Variants in OPCML observed in about 807,000 individuals in gnomAD.
OPCML encodes opioid-binding protein/cell adhesion molecule.
OPCML carries 13 observed loss-of-function variants against 37.8 expected under a neutral mutation model. The observed-to-expected ratio is 0.34, with a 90% CI of 0.22 to 0.55. The LOEUF (loss-of-function observed/expected upper bound fraction) is 0.55. Among genes scored for constraint, OPCML ranks in the 20% least tolerant of loss-of-function variants. OPCML has a pLI of 0.91. For missense variants in OPCML, 341 were observed against 435.6 expected (o/e 0.78, Z 1.93); for synonymous variants, 176 against 168.8 (o/e 1.04, Z -0.33).
chr11:133,214,357 T>C (rs1431783), intron 1 of OPCML, among the ~76,000 whole-genome samples: 38,117 of 152,110 alleles, frequency 0.25, 4,918 homozygotes, highest in African/African-American at 0.28. Flanking sequence ...TATCAACACA[T>C]GTACTTATTT....
At chr11:133,149,393 T>C (rs1437787577) in intron 1 of OPCML, among the ~76,000 whole-genome samples, 2 of 152,214 alleles carry the variant, frequency 1.3e-5, no homozygotes. Context: ...CTACTGTTTT[T>C]AGCCTGCCTC....
chr11:133,097,560 G>A (rs578160624), intron 1 of OPCML, among the ~76,000 whole-genome samples: 170 of 152,066 alleles, frequency 1.1e-3, no homozygotes, highest in African/African-American at 4.0e-3. Flanking sequence ...AATGAACAGA[G>A]AAAATCAATG....
intron 1 of OPCML, among the ~76,000 whole-genome samples, chr11:133,127,825 G>T (rs959781124): frequency 6.6e-6 from 1 of 151,996 alleles, no homozygotes; most frequent in Non-Finnish European, 1.5e-5. Context: ...GACTATGCAA[G>T]CATCAAGGAG....
chr11:132,668,994 TCA>T (rs946690204), intron 2 of OPCML, among the ~76,000 whole-genome samples: 102 of 152,256 alleles, frequency 6.7e-4, no homozygotes, highest in African/African-American at 2.4e-3. Context: ...CAGGCCTTTT[TCA>T]CAGTGTGTTG....
intron 1 of OPCML, among the ~76,000 whole-genome samples, chr11:133,229,767 G>T (rs894420844): frequency 6.6e-6 from 1 of 152,182 alleles, no homozygotes; most frequent in Non-Finnish European, 1.5e-5. Context: ...GGGAACTGCT[G>T]GACAAGTTTT....
At chr11:132,873,831 GAAAGT>G (rs1942908880) in intron 2 of OPCML, among the ~76,000 whole-genome samples, 1 of 151,804 alleles carries the variant, frequency 6.6e-6, no homozygotes, top group Admixed American at 6.6e-5. Flanking sequence ...AAAAAAATTA[GAAAGT>G]AAAGGAGCAA....
At chr11:132,644,306 C>G (rs1480959515) in intron 3 of OPCML, among the ~76,000 whole-genome samples, 1 of 152,052 alleles carries the variant, frequency 6.6e-6, no homozygotes, top group Non-Finnish European at 1.5e-5. Context: ...CTGTTAATCA[C>G]CCTTCATCTG....
At chr11:132,454,459 C>G (rs2096076307) in intron 4 of OPCML, among the ~76,000 whole-genome samples, 1 of 152,328 alleles carries the variant, frequency 6.6e-6, no homozygotes, top group East Asian at 1.9e-4. Context: ...AATATCTCAT[C>G]AGGAGGCACC....
chr11:133,207,069 C>G (rs567153767), intron 1 of OPCML, among the ~76,000 whole-genome samples: 3 of 148,252 alleles, frequency 2.0e-5, no homozygotes, highest in South Asian at 4.3e-4. Context: ...GGGCGGATCT[C>G]GAGGTCAGGA....
chr11:132,742,101 G>A (rs1318809991), intron 2 of OPCML, among the ~76,000 whole-genome samples: 3 of 152,148 alleles, frequency 2.0e-5, no homozygotes, highest in African/African-American at 7.2e-5. Context: ...AGTAAATGGT[G>A]TGAGATAATG....
At chr11:132,902,311 GT>G (rs1944092291) in intron 2 of OPCML, among the ~76,000 whole-genome samples, 2 of 152,196 alleles carry the variant, frequency 1.3e-5, no homozygotes, top group African/African-American at 4.8e-5. Flanking sequence ...AATGAGCACA[GT>G]TAATAGTGCA....
intron 4 of OPCML, among the ~76,000 whole-genome samples, chr11:132,475,586 G>A (rs536466541): frequency 1.2e-4 from 18 of 152,140 alleles, no homozygotes; most frequent in African/African-American, 9.7e-5. Flanking sequence ...AAAAGAACAT[G>A]TGAAGAGGCT....
Position 132,549,194 on chromosome 11 carries a change from T to G in OPCML, c.380-20008A>C, listed in dbSNP as rs115422787. On this transcript the variant is annotated intron_variant, in intron 3 of 7. Coordinates refer to ENST00000524381, the MANE Select transcript of OPCML (RefSeq NM_001012393.5). ...AGATGGCGAAGAAAGTGACCTCTGG[T>G]CACCCTCACTGCTCATTATACACTA... Among the ~76,000 whole-genome samples the G allele has an allele frequency of 4.0e-3, 611 of 152,296 alleles. 4 individuals are homozygous for G. The highest frequency in any genetic ancestry group is 0.014 in the African/African-American group (576 of 41,578).
Position 133,492,713 on chromosome 11 carries a change from A to C in OPCML, c.61+39551T>G, listed in dbSNP as rs577051805. Among the ~76,000 whole-genome samples the C allele has an allele frequency of 1.1e-4, 7 of 66,280 alleles. No homozygotes were observed. In the East Asian group the frequency reaches 2.1e-3, roughly 20 times the overall value. 43.5% of individuals were successfully genotyped at this position (66,280 alleles called of 152,430 possible). On this transcript the variant is annotated intron_variant, in intron 1 of 7. Transcript: ENST00000524381. ...AAGAGCTAAGCAGGCAATTACTGCCAAAAAAAAAAAAAAGTTTAAATTCAG... is the reference window on the plus strand; with the variant it reads ...AAGAGCTAAGCAGGCAATTACTGCCCAAAAAAAAAAAAAGTTTAAATTCAG...
chr11:132,909,470 C>T (rs1944352390), intron 2 of OPCML, among the ~76,000 whole-genome samples: 1 of 152,210 alleles, frequency 6.6e-6, no homozygotes, highest in Non-Finnish European at 1.5e-5. Context: ...TGGAAGATGG[C>T]AGCCCACCCC....
At chr11:132,589,819 T>C (rs1275536133) in intron 3 of OPCML, among the ~76,000 whole-genome samples, 1 of 152,108 alleles carries the variant, frequency 6.6e-6, no homozygotes, top group Non-Finnish European at 1.5e-5. Flanking sequence ...GGAGGAGAAA[T>C]TTTCCTTAGA....
chr11:132,926,887 T>C (rs1945012182), intron 2 of OPCML, among the ~76,000 whole-genome samples: 1 of 151,660 alleles, frequency 6.6e-6, no homozygotes. Context: ...GATGAAATAA[T>C]AGAAAAAGAA....
chr11:133,065,787 T>G (rs931061855), intron 1 of OPCML: 1 of 152,318 alleles, frequency 6.6e-6, no homozygotes, highest in South Asian at 2.1e-4. Context: ...TTGGCCAGAG[T>G]GTGCACAGAC....
At chr11:133,323,016 T>C (rs190426448) in intron 1 of OPCML, among the ~76,000 whole-genome samples, 12 of 152,346 alleles carry the variant, frequency 7.9e-5, no homozygotes, top group African/African-American at 2.6e-4. Flanking sequence ...GCTGTTAATA[T>C]ATCTAAGTGT....
Sources: allele counts gnomAD v4.1 joint callset (sites outside exome capture counted in the v4.1 genomes callset), GRCh38; gene constraint gnomAD v4.1.1; transcripts MANE v1.5; gene names NCBI Gene and HGNC (gene_info 2026-07-23, HGNC 2026-07-21).